Variants in DNM3 observed in about 807,000 individuals in gnomAD.
DNM3 encodes dynamin-3.
Under a neutral mutation model 101.6 loss-of-function variants are expected in DNM3, and 47 were observed. The ratio of observed to expected loss-of-function variants is 0.46; its 90% CI spans 0.37 to 0.59. The LOEUF (loss-of-function observed/expected upper bound fraction) is 0.59. DNM3 is among the 20% of genes least tolerant of loss of function. The pLI, the probability that DNM3 is intolerant of heterozygous loss-of-function variation, is 0.00. For synonymous variants in DNM3, 385 were observed against 387.9 expected (o/e 0.99, Z 0.09); for missense variants, 849 against 1,085.7 (o/e 0.78, Z 3.06).
intron 12 of DNM3, among the ~76,000 whole-genome samples, chr1:172,085,003 C>G (rs1163336356): frequency 6.6e-6 from 1 of 152,098 alleles, no homozygotes; most frequent in Non-Finnish European, 1.5e-5. Flanking sequence ...AGAATTTATA[C>G]TGTCATGTTT....
chr1:172,094,387 G>C (rs1034545691), intron 13 of DNM3, among the ~76,000 whole-genome samples: 1 of 152,118 alleles, frequency 6.6e-6, no homozygotes, highest in Non-Finnish European at 1.5e-5. Flanking sequence ...GATAAAGCAG[G>C]CTTATTCTTC....
intron 14 of DNM3, among the ~76,000 whole-genome samples, chr1:172,241,398 T>C (rs898025253): frequency 6.6e-6 from 1 of 152,022 alleles, no homozygotes; most frequent in African/African-American, 2.4e-5. Context: ...ATGTGGGAAG[T>C]ATTGCAGGGT....
chr1:172,305,902 A>G (rs1005358619), intron 15 of DNM3, among the ~76,000 whole-genome samples: 4 of 152,240 alleles, frequency 2.6e-5, no homozygotes, highest in Admixed American at 6.5e-5. Flanking sequence ...AGAGCTATTT[A>G]TGACAAGCCC....
intron 14 of DNM3, among the ~76,000 whole-genome samples, chr1:172,165,565 T>C (rs998240225): frequency 6.6e-6 from 1 of 152,018 alleles, no homozygotes; most frequent in African/African-American, 2.4e-5. Flanking sequence ...TCCAGATCCC[T>C]AGCCAAACTG....
rs547486112 is a variant in DNM3 at position 171,921,149 on chromosome 1, T to C, written c.162-599T>C. 4.0e-5 allele frequency among the ~76,000 whole-genome samples: 6 copies of C among 151,768 alleles called. No homozygotes were observed. The East Asian group carries it at 1.2e-3, about 29-fold the overall frequency. On this transcript the variant is annotated intron_variant, in intron 1 of 20. Coordinates refer to ENST00000627582, the MANE Select transcript of DNM3 (RefSeq NM_015569.5). ...TTTTTGTAGCGCTGGGTTTTTGCTA[T>C]GTTGTCCAGGCTGGTCTTGAACTCC...
At chr1:172,197,603 C>A (rs901253566) in intron 14 of DNM3, among the ~76,000 whole-genome samples, 5 of 151,362 alleles carry the variant, frequency 3.3e-5, no homozygotes, top group African/African-American at 7.3e-5. Flanking sequence ...GTTTTGTAAA[C>A]CTCATTATAG....
At chr1:172,070,088 T>A (rs950455927) in intron 11 of DNM3, among the ~76,000 whole-genome samples, 2 of 152,170 alleles carry the variant, frequency 1.3e-5, no homozygotes, top group Non-Finnish European at 2.9e-5. Flanking sequence ...GAGCTGTGGA[T>A]TCATTGTCAC....
At chr1:172,099,569 GAA>G (rs76259299) in intron 13 of DNM3, among the ~76,000 whole-genome samples, 1 of 143,152 alleles carries the variant, frequency 7.0e-6, no homozygotes, top group African/African-American at 2.5e-5. Context: ...TTGTGCCCAG[GAA>G]AAAAAAAAAG....
At chr1:172,193,384 T>C (rs899362894) in intron 14 of DNM3, among the ~76,000 whole-genome samples, 2 of 152,190 alleles carry the variant, frequency 1.3e-5, no homozygotes, top group Admixed American at 1.3e-4. Context: ...TAAAATGCAT[T>C]AGGGAGGATT....
At chr1:172,352,962 T>C (rs1005363165) in intron 17 of DNM3, among the ~76,000 whole-genome samples, 1 of 152,118 alleles carries the variant, frequency 6.6e-6, no homozygotes, top group Non-Finnish European at 1.5e-5. Context: ...CTTTCCTAAA[T>C]TTTCTGTTTC....
chr1:172,178,473 A>T (rs181406941), intron 14 of DNM3, among the ~76,000 whole-genome samples: 4 of 152,102 alleles, frequency 2.6e-5, no homozygotes, highest in Admixed American at 2.0e-4. Flanking sequence ...TGAAGTGAAG[A>T]TGACTGGAGA....
chr1:172,374,569 A>C (rs990703329), intron 17 of DNM3, among the ~76,000 whole-genome samples: 1 of 152,094 alleles, frequency 6.6e-6, no homozygotes, highest in Non-Finnish European at 1.5e-5. Context: ...AAGTTTTTAC[A>C]TGTAAAGCAA....
At chr1:172,029,848 A>C (rs1267667961) in intron 4 of DNM3, among the ~76,000 whole-genome samples, 1 of 152,174 alleles carries the variant, frequency 6.6e-6, no homozygotes, top group African/African-American at 2.4e-5. Context: ...CCAACTTACA[A>C]GGCATGTGAA....
At position 172,166,861 on chromosome 1, in the gene DNM3, A is replaced by G. The variant is rs368388185; in HGVS notation, c.1659+35573A>G. On this transcript the variant is annotated intron_variant, in intron 14 of 20. Transcript: ENST00000627582. ...GAGCTTGAGACTAAAAAGGAGCAAC[A>G]AAGATTTATGTCATCCAGAAGTTCA... 2.2e-4 allele frequency among the ~76,000 whole-genome samples: 34 copies of G among 152,100 alleles called. 1 individual carries two copies. The South Asian group carries it at 6.6e-3, about 30-fold the overall frequency.
intron 15 of DNM3, among the ~76,000 whole-genome samples, chr1:172,256,753 T>A (rs1450933858): frequency 6.6e-6 from 1 of 152,100 alleles, no homozygotes; most frequent in African/African-American, 2.4e-5. Flanking sequence ...TTAATTTAGA[T>A]GTGTAGCTCA....
chr1:172,128,661 ATTTGAACAC>A (rs1364440154), intron 13 of DNM3, among the ~76,000 whole-genome samples: 1 of 152,182 alleles, frequency 6.6e-6, no homozygotes, highest in South Asian at 2.1e-4. Flanking sequence ...TTCAGTGTTT[ATTTGAACAC>A]TTATGGCACA....
chr1:171,990,536 C>A (rs2045564240), intron 4 of DNM3, among the ~76,000 whole-genome samples: 1 of 152,088 alleles, frequency 6.6e-6, no homozygotes, highest in Non-Finnish European at 1.5e-5. Context: ...TCAGTGTGTA[C>A]ACTTTTAATT....
In DNM3 at chr1:172,410,585, T is replaced by C. The variant is rs1424221845; in HGVS notation, c.*2744T>C. On this transcript the variant is annotated 3_prime_UTR_variant, in exon 21 of 21. Transcript: ENST00000627582. ...CTCAATTATGGACAGCTTATTGAAATAGTATTGATTTAGAAAAAGTATATT... is the reference window on the plus strand; with the variant it reads ...CTCAATTATGGACAGCTTATTGAAACAGTATTGATTTAGAAAAAGTATATT... 1.0e-6 allele frequency: 1 copy of C among 984,752 alleles called. No individual in the cohort carries two copies. Among genetic ancestry groups the C allele is most frequent in the African/African-American group, 1.7e-5 (1 of 57,360 alleles). 61.0% of individuals were successfully genotyped at this position (984,752 alleles called of 1,614,324 possible).
intron 2 of DNM3, among the ~76,000 whole-genome samples, chr1:171,959,034 TA>T (rs1191344825): frequency 6.6e-6 from 1 of 152,076 alleles, no homozygotes; most frequent in Non-Finnish European, 1.5e-5. Context: ...GTATAAAGCT[TA>T]AAAACAAAAC....
Sources: allele counts gnomAD v4.1 joint callset (sites outside exome capture counted in the v4.1 genomes callset), GRCh38; gene constraint gnomAD v4.1.1; transcripts MANE v1.5; gene names NCBI Gene and HGNC (gene_info 2026-07-23, HGNC 2026-07-21).